C4BPA: variants seen among roughly 807,000 people sequenced by gnomAD.
C4BPA encodes the protein C4b-binding protein alpha chain.
In C4BPA, 31 loss-of-function variants were observed where a neutral mutation model predicts 63.7. That is an observed-to-expected ratio of 0.49 (90% CI 0.37 to 0.66). C4BPA has a LOEUF of 0.66. C4BPA is among the 30% of genes least tolerant of loss of function. C4BPA has a pLI of 0.00. For synonymous variants in C4BPA, 259 were observed against 254.7 expected, an observed-to-expected ratio of 1.02 and a Z score of -0.16; for missense variants, 572 against 723.3, an observed-to-expected ratio of 0.79 and a Z score of 2.40.
chr1:207,131,915 C>T (rs1317590229), intron 8 of C4BPA, among the ~76,000 whole-genome samples, 175 bp downstream of exon 8: 1 of 152,210 alleles, frequency 6.6e-6, no homozygotes, highest in Non-Finnish European at 1.5e-5. Context: ...CAGTTTGAGG[C>T]ACTGAGAAAT....
intron 9 of C4BPA, among the ~76,000 whole-genome samples, chr1:207,136,073 T>A (rs1685274162): frequency 6.6e-6 from 1 of 152,194 alleles, no homozygotes; most frequent in Admixed American, 6.5e-5. Flanking sequence ...GTAGAAGAGG[T>A]CCAATGTAGT....
intron 4 of C4BPA, among the ~76,000 whole-genome samples, chr1:207,123,020 T>A (rs922418275): frequency 6.6e-5 from 10 of 152,306 alleles, no homozygotes; most frequent in African/African-American, 2.4e-4. Flanking sequence ...TTTGTTGATT[T>A]TCTCATTTTT....
chr1:207,111,215 GA>G, intron 1 of C4BPA, among the ~76,000 whole-genome samples: 1 of 152,242 alleles, frequency 6.6e-6, no homozygotes, highest in South Asian at 2.1e-4. Context: ...AGGATAATGG[GA>G]AAAAAGAGGG....
At chr1:207,116,495 A>AGTGT (rs200444986) in intron 4 of C4BPA, among the ~76,000 whole-genome samples, 55 of 124,506 alleles carry the variant, frequency 4.4e-4, no homozygotes, top group Non-Finnish European at 6.5e-4. Context: ...CTTTTCCCAC[A>AGTGT]GTGTGTGTGT....
chr1:207,141,018 C>A, intron 9 of C4BPA, 88 bp from the exon 10 acceptor site: 2 of 996,926 alleles, frequency 2.0e-6, no homozygotes, highest in Admixed American at 2.6e-5. Context: ...CAGAATGAAG[C>A]CTCCTACAAA....
In C4BPA at chr1:207,144,769, T is replaced by G; in HGVS notation, c.*52T>G. 1 of 1,271,374 alleles carries G rather than the reference T, an allele frequency of 7.9e-7. No individual in the cohort carries two copies. Among genetic ancestry groups the G allele is most frequent in the Non-Finnish European group, 1.1e-6 (1 of 916,522 alleles). 78.8% of individuals were successfully genotyped at this position (1,271,374 alleles called of 1,614,324 possible). A position where few individuals can be genotyped will look rare whatever the true frequency, so the allele number is the denominator to read the frequency against. On this transcript the variant is annotated 3_prime_UTR_variant, in exon 12 of 12. Coordinates refer to ENST00000367070, the MANE Select transcript of C4BPA (RefSeq NM_000715.4). ...TGTCTTGCTGGCTTGCCTCTTGCAA[T>G]TCAATACAGATCAGTTTAGCAAATC...
At chr1:207,111,417 A>G (rs138487365) in intron 1 of C4BPA, among the ~76,000 whole-genome samples, 1 of 152,318 alleles carries the variant, frequency 6.6e-6, no homozygotes, top group East Asian at 1.9e-4. Context: ...GGATGTATAG[A>G]GCTCATGGGA....
intron 9 of C4BPA, among the ~76,000 whole-genome samples, chr1:207,139,142 C>T (rs1685355976): frequency 6.6e-6 from 1 of 152,294 alleles, no homozygotes; most frequent in African/African-American, 2.4e-5. Context: ...ACTGTTTCTG[C>T]TAGGAAAGGA....
rs553299418 is a variant in C4BPA at position 207,138,631 on chromosome 1, C to A, written c.1274-2475C>A. 1.4e-4 allele frequency among the ~76,000 whole-genome samples: 21 copies of A among 152,294 alleles called. No homozygotes were observed. In the South Asian group the frequency reaches 4.4e-3, roughly 32 times the overall value. On this transcript the variant is annotated intron_variant, in intron 9 of 11. Transcript: ENST00000367070. Reference sequence around the variant, plus strand: ...TAAGGCTCAAGCAACAGGATAATTTCACTGCAGACTAGACCTGCTGTTAAG... The same window carrying A: ...TAAGGCTCAAGCAACAGGATAATTTAACTGCAGACTAGACCTGCTGTTAAG...
At chr1:207,140,004 T>C (rs188213480) in intron 9 of C4BPA, among the ~76,000 whole-genome samples, 2 of 152,316 alleles carry the variant, frequency 1.3e-5, no homozygotes, top group East Asian at 3.9e-4. Context: ...TCATCTGTTT[T>C]CACCCCTAAG....
intron 4 of C4BPA, among the ~76,000 whole-genome samples, chr1:207,118,239 CT>C (rs1684853452): frequency 2.6e-5 from 4 of 151,812 alleles, no homozygotes; most frequent in African/African-American, 7.3e-5. Context: ...ATCTATCTAT[CT>C]ATCTATCATC....
intron 9 of C4BPA, among the ~76,000 whole-genome samples, chr1:207,136,807 C>A (rs1471566982): frequency 6.6e-6 from 1 of 152,118 alleles, no homozygotes; most frequent in Non-Finnish European, 1.5e-5. Context: ...CATGCACGAG[C>A]CATAAAGATT....
At chr1:207,106,441 G>GTTTTTTTTTTTTTTTTTTTTTTTTTTTT (rs757122192) in intron 1 of C4BPA, among the ~76,000 whole-genome samples, 1 of 118,440 alleles carries the variant, frequency 8.4e-6, no homozygotes, top group African/African-American at 3.7e-5. Flanking sequence ...CTCCGTGTAA[G>GTTTTTTTTTTTTTTTTTTTTTTTTTTTT]TTTTTTTTTT....
At chr1:207,142,616 T>C (rs2102368958) in intron 10 of C4BPA, among the ~76,000 whole-genome samples, 1 of 152,302 alleles carries the variant, frequency 6.6e-6, no homozygotes, top group East Asian at 1.9e-4. Context: ...CCATCCTAAC[T>C]GGTGTGAGAT....
rs765970786 is a variant in C4BPA at position 207,126,799 on chromosome 1, T to C, written c.793T>C (p.Phe265Leu). The C allele has an allele frequency of 3.7e-6, 6 of 1,612,904 alleles. No homozygotes were observed. Among genetic ancestry groups the C allele is most frequent in the Admixed American group, 3.3e-5 (2 of 59,886 alleles). ...CTATAATTACAAAGACACTATTGTG[T>C]TTAAGTGCCAAAAAGGTTTTGTTCT... ...PIYNYKDTIV[F>L]KCQKGFVLRG... The change falls in exon 7 of 12, where the codon TTT (phenylalanine) becomes CTT (leucine). Residue 265 changes from phenylalanine to leucine, a missense_variant. Physicochemically the swap from Phe to Leu is conservative, Grantham distance 22 (BLOSUM62 0). Around this residue, in one of 2 missense-constraint regions of C4BPA, gnomAD observed 465 missense variants for 629.4 expected, o/e 0.74. Transcript: ENST00000367070.
chr1:207,143,338 G>T (rs533443250), intron 10 of C4BPA, among the ~76,000 whole-genome samples: 124 of 152,080 alleles, frequency 8.2e-4, no homozygotes, highest in African/African-American at 2.9e-3. Flanking sequence ...CCTGTCAGGG[G>T]GTGGGGGGCA....
At position 207,107,591 on chromosome 1, in the gene C4BPA, C is replaced by T. The variant is rs915187392; in HGVS notation, c.-26+3161C>T. On this transcript the variant is annotated intron_variant, in intron 1 of 11. Coordinates refer to ENST00000367070, the MANE Select transcript of C4BPA (RefSeq NM_000715.4). ...AATGTTTTTGGGGAAGGGTAAGTGC[C>T]TCCTTGAGACTGAAGCATGGTGTTC... 1.4e-4 allele frequency among the ~76,000 whole-genome samples: 21 copies of T among 152,232 alleles called. No individual in the cohort carries two copies. In the South Asian group the frequency reaches 1.7e-3, roughly 12 times the overall value.
chr1:207,141,096 C>A lies in C4BPA; in HGVS notation c.1274-10C>A. The A allele has an allele frequency of 1.2e-6, 2 of 1,601,248 alleles. No homozygotes were observed. Among genetic ancestry groups the A allele is most frequent in the Non-Finnish European group, 8.5e-7 (1 of 1,174,088 alleles). On this transcript the variant is annotated splice_polypyrimidine_tract_variant and intron_variant, in intron 9 of 11. Transcript: ENST00000367070. Reference sequence around the variant, plus strand: ...CTAATGCTCTCTCACTTTTTTGTCTCTCCCTCAAGTTTGCAATTTTCCTCC... The same window carrying A: ...CTAATGCTCTCTCACTTTTTTGTCTATCCCTCAAGTTTGCAATTTTCCTCC...
Position 207,124,323 on chromosome 1 carries a change from T to G in C4BPA, c.663T>G (p.Asn221Lys). The change falls in exon 6 of 12, where the codon AAT (asparagine) becomes AAG (lysine). Residue 221 changes from asparagine (N) to lysine (K), a missense_variant. Asn to Lys is a moderately conservative substitution (Grantham distance 94). This residue lies in a region of C4BPA where 465 missense variants were observed against 629.4 expected (regional missense o/e 0.74). Transcript: ENST00000367070. ...GHASISCTVE[N>K]ETIGVWRPSP... ...CCTCCATTTCTTGCACTGTGGAGAA[T>G]GAAACAATAGGTGTTTGGAGACCAA... is the stretch of plus-strand genomic sequence containing the variant. The G allele has an allele frequency of 6.2e-7, 1 of 1,613,866 alleles. No homozygotes were observed. The highest frequency in any genetic ancestry group is 2.2e-5 in the East Asian group (1 of 44,878).
Sources: gnomAD v4.1 joint callset for allele counts (sites outside exome capture counted in the v4.1 genomes callset) on GRCh38, gnomAD v4.1.1 for gene constraint, gnomAD v4.1.1 regional missense constraint, MANE v1.5 for transcripts, NCBI Gene and HGNC (gene_info 2026-07-23, HGNC 2026-07-21) for gene names.